KIF6: variants seen among roughly 807,000 people sequenced by gnomAD.
The protein encoded by KIF6 is kinesin family member 6.
Under a neutral mutation model 112.7 loss-of-function variants are expected in KIF6, and 106 were observed. The observed-to-expected ratio is 0.94, with a 90% CI of 0.80 to 1.11. KIF6 has a LOEUF of 1.11. KIF6 is among the 50% of genes least tolerant of loss of function. The pLI is 0.00. For synonymous variants in KIF6, 339 were observed against 339.9 expected, an observed-to-expected ratio of 1.00 and a Z score of 0.03; for missense variants, 929 against 964.0, an observed-to-expected ratio of 0.96 and a Z score of 0.48.
At chr6:39,530,588 G>A (rs183138877) in intron 13 of KIF6, among the ~76,000 whole-genome samples, 18 of 152,254 alleles carry the variant, frequency 1.2e-4, no homozygotes, top group African/African-American at 2.4e-4. Flanking sequence ...GGCTGCTTGC[G>A]CAATGACTCT....
At chr6:39,533,447 C>T (rs750667770) in intron 13 of KIF6, among the ~76,000 whole-genome samples, 2 of 152,268 alleles carry the variant, frequency 1.3e-5, no homozygotes, top group Non-Finnish European at 2.9e-5. Context: ...AAGGAGGCAG[C>T]GAGGCTGGGG....
intron 10 of KIF6, among the ~76,000 whole-genome samples, chr6:39,572,031 T>C (rs1408256919): frequency 6.6e-6 from 1 of 152,212 alleles, no homozygotes; most frequent in Non-Finnish European, 1.5e-5. Flanking sequence ...TTTTGCTTTT[T>C]ATTATCATAG....
At position 39,596,180 on chromosome 6, in the gene KIF6, A is replaced by C; in HGVS notation, c.720T>G (p.Thr240=). The C allele has an allele frequency of 6.2e-7, 1 of 1,614,106 alleles. No homozygotes were observed. The highest frequency in any genetic ancestry group is 8.5e-7 in the Non-Finnish European group (1 of 1,179,974). The change falls in exon 7 of 23, where the codon ACT becomes ACG. Residue 240 remains threonine (T), a synonymous_variant. Transcript: ENST00000287152. ...HLSSKEPGSA[T]VRHAKLHLVD... The stretch of plus-strand genomic sequence containing the variant: ...CCAGATGGAGTTTGGCATGTCGTAC[A>C]GTTGCAGATCCTGGTTCCTTGCTTG...
In KIF6 at chr6:39,725,224, C is replaced by T. The variant is rs199778851; in HGVS notation, c.66+21G>A. The T allele has an allele frequency of 4.4e-5, 71 of 1,601,444 alleles. 1 individual carries two copies. In the East Asian group the frequency reaches 1.6e-3, roughly 35 times the overall value. On this transcript the variant is annotated intron_variant, in intron 1 of 22. Coordinates refer to ENST00000287152, the MANE Select transcript of KIF6 (RefSeq NM_145027.6). ...CCAAGAGGCCCCGCCGCGCCGGCGC[C>T]CCGGAGGCTCCAGCCCGTACCCCTT...
chr6:39,632,779 C>A (rs985489647), intron 5 of KIF6, among the ~76,000 whole-genome samples: 8 of 151,888 alleles, frequency 5.3e-5, no homozygotes, highest in Non-Finnish European at 2.9e-5. Context: ...AGCCACCACA[C>A]CCGGCTAATT....
rs146083690 is a variant in KIF6 at position 39,502,694 on chromosome 6, C to A, written c.1645+37309G>T. ...AACAGAAAAAAAGCAGGGTTGCAAT[C>A]ATTGTTTCTTACAAGACAGACTTTA... On this transcript the variant is annotated intron_variant, in intron 13 of 22. Coordinates refer to ENST00000287152, the MANE Select transcript of KIF6 (RefSeq NM_145027.6). Among the ~76,000 whole-genome samples the A allele has an allele frequency of 2.6e-3, 395 of 152,274 alleles. 2 individuals are homozygous for A. Among genetic ancestry groups the A allele is most frequent in the African/African-American group, 8.6e-3 (356 of 41,552 alleles).
intron 13 of KIF6, among the ~76,000 whole-genome samples, chr6:39,436,246 G>A (rs180926302): frequency 5.3e-5 from 8 of 151,852 alleles, no homozygotes; most frequent in Admixed American, 5.3e-4. Flanking sequence ...TGAGTTCTTT[G>A]TAGATTCTGG....
intron 13 of KIF6, among the ~76,000 whole-genome samples, chr6:39,516,123 C>T (rs9394601): frequency 0.045 from 6,786 of 152,176 alleles, 287 homozygotes; most frequent in East Asian, 0.24. Context: ...TGAAACACTT[C>T]TGGTTTCAAG....
rs780964615 is a variant in KIF6 at position 39,431,158 on chromosome 6, A to G, written c.1649T>C (p.Met550Thr). Residue 550 changes from methionine (M) to threonine (T), a missense_variant, in exon 14 of 23, where the codon ATG becomes ACG. Met to Thr is a moderately conservative substitution (Grantham distance 81). Around this residue, in one of 2 missense-constraint regions of KIF6, gnomAD observed 688 missense variants for 662.7 expected, o/e 1.04. Transcript: ENST00000287152. ...RSSLLHKKIG[M>T]REEMSLGCQE... is the part of the protein sequence containing the mutation. ...GCATCCTAATGACATTTCCTCTCTC[A>G]TTCCTGTTTGGAGACACAGGGAAAT... is the stretch of plus-strand genomic sequence containing the variant. 1.3e-6 allele frequency: 2 copies of G among 1,588,216 alleles called. No homozygotes were observed. Among genetic ancestry groups the G allele is most frequent in the East Asian group, 2.2e-5 (1 of 44,698 alleles).
chr6:39,602,186 T>C (rs1782617103), intron 6 of KIF6, among the ~76,000 whole-genome samples: 1 of 152,166 alleles, frequency 6.6e-6, no homozygotes, highest in Admixed American at 6.6e-5. Flanking sequence ...TTTTTAGGGC[T>C]TGTATCAAAA....
At chr6:39,677,514 T>TATTTATTTATTG (rs1787223753) in intron 3 of KIF6, among the ~76,000 whole-genome samples, 1 of 130,218 alleles carries the variant, frequency 7.7e-6, no homozygotes, top group African/African-American at 2.6e-5. Context: ...CAATTTTATT[T>TATTTATTTATTG]ATTTATTTAT....
chr6:39,471,101 A>G (rs897331065), intron 13 of KIF6, among the ~76,000 whole-genome samples: 18 of 152,312 alleles, frequency 1.2e-4, no homozygotes, highest in African/African-American at 4.3e-4. Context: ...TTAAATGCCA[A>G]AAGAAATGTG....
At chr6:39,690,304 T>C (rs1788118492) in intron 3 of KIF6, 1 of 152,086 alleles carries the variant, frequency 6.6e-6, no homozygotes, top group African/African-American at 2.4e-5. Flanking sequence ...AAAGTAACGA[T>C]GTCAATGGCA....
chr6:39,470,936 C>T (rs1331936252), intron 13 of KIF6, among the ~76,000 whole-genome samples: 1 of 152,068 alleles, frequency 6.6e-6, no homozygotes, highest in African/African-American at 2.4e-5. Context: ...GCTCTTTTTC[C>T]CCCTGACCTT....
At chr6:39,537,039 T>C (rs369389018) in intron 13 of KIF6, among the ~76,000 whole-genome samples, 1 of 152,170 alleles carries the variant, frequency 6.6e-6, no homozygotes, top group Non-Finnish European at 1.5e-5. Context: ...AAACTCTCAA[T>C]AAATTAGGTA....
chr6:39,613,003 C>T (rs1783298678), intron 6 of KIF6, among the ~76,000 whole-genome samples, 186 bp downstream of exon 6: 1 of 152,114 alleles, frequency 6.6e-6, no homozygotes, highest in South Asian at 2.1e-4. Context: ...AGCTGGGTGA[C>T]CTTGGGAAAG....
intron 6 of KIF6, among the ~76,000 whole-genome samples, chr6:39,598,579 G>A (rs182354698): frequency 2.1e-5 from 3 of 144,820 alleles, no homozygotes; most frequent in Non-Finnish European, 4.5e-5. Context: ...ACATATATAT[G>A]TGTGTGTGTG....
chr6:39,574,568 TC>T (rs1194781214), intron 10 of KIF6, among the ~76,000 whole-genome samples: 2 of 152,210 alleles, frequency 1.3e-5, no homozygotes, highest in African/African-American at 4.8e-5. Flanking sequence ...TAATTTTTTT[TC>T]CTCTCTGGTA....
chr6:39,641,299 G>T (rs1359198861), intron 3 of KIF6, among the ~76,000 whole-genome samples: 1 of 152,014 alleles, frequency 6.6e-6, no homozygotes, highest in Non-Finnish European at 1.5e-5. Context: ...AAACACCATG[G>T]AATACTCTGC....
Sources: allele counts gnomAD v4.1 joint callset (sites outside exome capture counted in the v4.1 genomes callset), GRCh38; gene constraint gnomAD v4.1.1; regional missense constraint gnomAD v4.1.1; transcripts MANE v1.5; gene names NCBI Gene and HGNC (gene_info 2026-07-23, HGNC 2026-07-21).